TRNAU1AP: variants seen among roughly 807,000 people sequenced by gnomAD.
TRNAU1AP encodes the protein tRNA selenocysteine 1-associated protein 1.
Under a neutral mutation model 43.3 loss-of-function variants are expected in TRNAU1AP, and 33 were observed. That is an observed-to-expected ratio of 0.76 (90% CI 0.58 to 1.02). The LOEUF is 1.02. Ranked by LOEUF, TRNAU1AP falls within the 50% of genes least tolerant of loss-of-function variation. The pLI is 0.00. For missense variants in TRNAU1AP, 290 were observed against 362.7 expected, an observed-to-expected ratio of 0.80 and a Z score of 1.63; for synonymous variants, 143 against 129.1, an observed-to-expected ratio of 1.11 and a Z score of -0.73.
chr1:28,553,656 A>G lies in TRNAU1AP; in HGVS notation c.44A>G (p.Asp15Gly). ...TTTACGCAGCTGGAACCCTACATGGATGAGAACTTCATCTCCAGAGCCTTT... is the reference window on the plus strand; with the variant it reads ...TTTACGCAGCTGGAACCCTACATGGGTGAGAACTTCATCTCCAGAGCCTTT... ...LWMGDLEPYM[D>G]ENFISRAFAT... Residue 15 changes from aspartate (D) to glycine (G), a missense_variant, in exon 2 of 9, where the codon GAT (aspartate) becomes GGT (glycine). Asp to Gly is a moderately conservative substitution (Grantham distance 94, BLOSUM62 -1). Around this residue, in one of 3 missense-constraint regions of TRNAU1AP, gnomAD observed 59 missense variants for 45.5 expected, o/e 1.30. Transcript: ENST00000373830. The G allele has an allele frequency of 6.2e-7, 1 of 1,614,090 alleles. No individual in the cohort carries two copies. The highest frequency in any genetic ancestry group is 1.3e-5 in the African/African-American group (1 of 75,060).
At chr1:28,574,138 T>C (rs1665723951) in intron 8 of TRNAU1AP, among the ~76,000 whole-genome samples, 1 of 148,090 alleles carries the variant, frequency 6.8e-6, no homozygotes, top group African/African-American at 2.5e-5. Context: ...TGGAGTGCAG[T>C]GGTGCAGTCT....
chr1:28,576,149 G>T (rs1198394517), intron 8 of TRNAU1AP, among the ~76,000 whole-genome samples: 2 of 145,482 alleles, frequency 1.4e-5, no homozygotes, highest in Non-Finnish European at 3.0e-5. Flanking sequence ...ATGAGCCACA[G>T]TGCCCAGTTT....
intron 2 of TRNAU1AP, among the ~76,000 whole-genome samples, chr1:28,558,062 ATTTTTTTTTTTT>A (rs998976595): frequency 1.6e-5 from 2 of 122,114 alleles, no homozygotes; most frequent in African/African-American, 6.5e-5. Context: ...TGCCTGGCTA[ATTTTTTTTTTTT>A]TTTTTTTTTT....
rs756554853 is a variant in TRNAU1AP, at chr1:28,558,560, A to AT, written c.126-2051dup. On this transcript the variant is annotated intron_variant, in intron 2 of 8. Coordinates refer to ENST00000373830, the MANE Select transcript of TRNAU1AP (RefSeq NM_017846.5). ...AGGCACACACCACTACGCCCGACTA[A>AT]TTTTTTTTTTTTTTTTTTTTTTGAG... 2.6e-3 allele frequency among the ~76,000 whole-genome samples: 232 copies of AT among 88,332 alleles called. 1 individual carries two copies. Among genetic ancestry groups the AT allele is most frequent in the East Asian group, 3.4e-3 (13 of 3,862 alleles). The allele number at this position is 88,332 out of a possible 152,430, so 57.9% of individuals were successfully genotyped here.
chr1:28,566,458 T>C (rs1229833330), intron 5 of TRNAU1AP, among the ~76,000 whole-genome samples: 1 of 147,950 alleles, frequency 6.8e-6, no homozygotes, highest in Non-Finnish European at 1.5e-5. Context: ...GTCTCCACTT[T>C]AAAAAAAATA....
Position 28,578,335 on chromosome 1 carries a change from G to GTGTT in TRNAU1AP, c.*701_*704dup, listed in dbSNP as rs1054043568. 2.4e-4 allele frequency: 42 copies of GTGTT among 176,048 alleles called. No individual in the cohort carries two copies. Among genetic ancestry groups the GTGTT allele is most frequent in the Middle Eastern group, 2.7e-3 (1 of 368 alleles). 10.9% of individuals were successfully genotyped at this position (176,048 alleles called of 1,614,324 possible). ...TGTGAACTTTATACTGCTCACTTCC[G>GTGTT]TGTTTCCCAAGTAAATGGGGAAACT... is the stretch of plus-strand genomic sequence containing the variant. On this transcript the variant is annotated 3_prime_UTR_variant, in exon 9 of 9. Transcript: ENST00000373830.
rs749915126 is a variant in TRNAU1AP at position 28,571,312 on chromosome 1, T to C, written c.667T>C (p.Tyr223His). 3 of 1,613,840 alleles carry C rather than the reference T, an allele frequency of 1.9e-6. No individual in the cohort carries two copies. In the African/African-American group the frequency reaches 4.0e-5, roughly 22 times the overall value. ...TGSYSYSYPQ[Y>H]GYTQSTMQTY... The stretch of plus-strand genomic sequence containing the variant: ...CAGCTACAGCTACAGTTACCCCCAG[T>C]ATGGCTATACCCAGAGCACCATGCA... The change falls in exon 7 of 9, where the codon TAT (tyrosine) becomes CAT (histidine). Residue 223 changes from tyrosine (Y) to histidine (H), a missense_variant. By Grantham distance (83) the Tyr-to-His change is moderately conservative. Around this residue, in one of 3 missense-constraint regions of TRNAU1AP, gnomAD observed 174 missense variants for 262.1 expected, o/e 0.66. Transcript: ENST00000373830.
chr1:28,569,552 G>A (rs1392091874), intron 6 of TRNAU1AP, among the ~76,000 whole-genome samples: 1 of 147,372 alleles, frequency 6.8e-6, no homozygotes, highest in Non-Finnish European at 1.5e-5. Context: ...TTAGCCAGGT[G>A]TGGTGGCGGG....
rs137978808 is a variant in TRNAU1AP at position 28,567,364 on chromosome 1, G to C, written c.481G>C (p.Val161Leu). ...AGCCCTGACGGAGTGCCAGGGAGCA[G>C]TGGGACTGGGGTCTAAGCCTGTGCG... The part of the protein sequence containing the change: ...KRALTECQGA[V>L]GLGSKPVRLS... The change falls in exon 6 of 9, where the codon GTG (valine) becomes CTG (leucine). Residue 161 changes from valine (V) to leucine (L), a missense_variant. Physicochemically the swap from Val to Leu is conservative, Grantham distance 32 (BLOSUM62 1). Transcript: ENST00000373830. The C allele has an allele frequency of 2.5e-6, 4 of 1,613,912 alleles. No homozygotes were observed. In the African/African-American group the frequency reaches 5.3e-5, roughly 22 times the overall value.
chr1:28,577,534 CAAG>C lies in TRNAU1AP; in HGVS notation c.763_765del (p.Lys255del), dbSNP rs1665821246. ...CACAGCTGGATGTGACTGAGGCCAA[CAAG>C]GAGTTCATGGAACAGAGTGAGGAGC... On this transcript the variant is annotated inframe_deletion, in exon 9 of 9. Transcript: ENST00000373830. 1.9e-6 allele frequency: 3 copies of C among 1,614,064 alleles called. No individual in the cohort carries two copies. Among genetic ancestry groups the C allele is most frequent in the Admixed American group, 1.7e-5 (1 of 59,984 alleles).
At position 28,577,607 on chromosome 1, in the gene TRNAU1AP, G is replaced by A; in HGVS notation, c.835G>A (p.Val279Met). The A allele has an allele frequency of 6.2e-7, 1 of 1,614,184 alleles. No homozygotes were observed. Among genetic ancestry groups the A allele is most frequent in the Non-Finnish European group, 8.5e-7 (1 of 1,180,024 alleles). ...CTGTCACTGGCAGCCCCTGGACACAGTGTCTTCAGAGATCCCTGCCATGAT... is the reference window on the plus strand; with the variant it reads ...CTGTCACTGGCAGCCCCTGGACACAATGTCTTCAGAGATCCCTGCCATGAT... ...MDCHWQPLDTVSSEIPAMM is the reference protein window; with the variant it reads ...MDCHWQPLDTMSSEIPAMM Residue 279 changes from valine to methionine, a missense_variant, in exon 9 of 9, where the codon GTG (valine) becomes ATG (methionine). Val to Met is a conservative substitution (Grantham distance 21). Around this residue, in one of 3 missense-constraint regions of TRNAU1AP, gnomAD observed 57 missense variants for 55.1 expected, o/e 1.03. Transcript: ENST00000373830.
Position 28,553,755 on chromosome 1 carries a change from T to A in TRNAU1AP, c.125+18T>A. On this transcript the variant is annotated intron_variant, in intron 2 of 8. Coordinates refer to ENST00000373830, the MANE Select transcript of TRNAU1AP (RefSeq NM_017846.5). ...CTCACTGGGTAAGTCTCATCTCAGGTCTCTCTTAATACATCTCGTTGCAGC... is the reference window on the plus strand; with the variant it reads ...CTCACTGGGTAAGTCTCATCTCAGGACTCTCTTAATACATCTCGTTGCAGC... 1 of 1,602,076 alleles carries A rather than the reference T, an allele frequency of 6.2e-7. No individual in the cohort carries two copies. Among genetic ancestry groups the A allele is most frequent in the Non-Finnish European group, 8.6e-7 (1 of 1,169,078 alleles).
chr1:28,561,461 A>C, intron 4 of TRNAU1AP, 63 bp downstream of exon 4: 1 of 1,598,396 alleles, frequency 6.3e-7, no homozygotes, highest in Non-Finnish European at 8.6e-7. Context: ...ACTGCCATAT[A>C]GGAGGAGGGG....
intron 8 of TRNAU1AP, among the ~76,000 whole-genome samples, chr1:28,572,112 C>G (rs1384243439): frequency 7.9e-6 from 1 of 127,212 alleles, no homozygotes; most frequent in African/African-American, 2.9e-5. Flanking sequence ...CTGGGACAGG[C>G]AGCTCCAGGA....
intron 5 of TRNAU1AP, 148 bp from the exon 6 acceptor site, chr1:28,567,146 T>A: frequency 1.3e-6 from 1 of 769,154 alleles, no homozygotes; most frequent in Non-Finnish European, 2.0e-6. Flanking sequence ...CCTTTCTTCC[T>A]CTAGTTTAAT....
At chr1:28,576,522 T>C (rs1431396668) in intron 8 of TRNAU1AP, among the ~76,000 whole-genome samples, 3 of 151,752 alleles carry the variant, frequency 2.0e-5, no homozygotes, top group Non-Finnish European at 2.9e-5. Context: ...TTTCACCATG[T>C]TGGCCAGGAT....
intron 4 of TRNAU1AP, among the ~76,000 whole-genome samples, chr1:28,562,720 A>G (rs535457985): frequency 3.3e-5 from 5 of 151,382 alleles, no homozygotes; most frequent in Admixed American, 3.3e-4. Context: ...AGCTGGGACT[A>G]CAGGTGCCTG....
At chr1:28,575,465 GT>G (rs1235068576) in intron 8 of TRNAU1AP, among the ~76,000 whole-genome samples, 83 of 127,430 alleles carry the variant, frequency 6.5e-4, no homozygotes, top group East Asian at 2.6e-3. Flanking sequence ...GTTTTTTTTT[GT>G]TTTTTTTTTT....
rs1665194878 is a variant in TRNAU1AP at position 28,554,017 on chromosome 1, G to A, written c.125+280G>A. The stretch of plus-strand genomic sequence containing the variant: ...GTTTGAGACCAGCCTGGCCAACATG[G>A]TGAAACCCCGTCTCTACTAAAAATA... On this transcript the variant is annotated intron_variant, in intron 2 of 8. Coordinates refer to ENST00000373830, the MANE Select transcript of TRNAU1AP (RefSeq NM_017846.5). 3.9e-5 allele frequency: 10 copies of A among 257,294 alleles called. No homozygotes were observed. In the South Asian group the frequency reaches 5.0e-4, roughly 13 times the overall value. The allele number at this position is 257,294 out of a possible 1,614,324, so 15.9% of individuals were successfully genotyped here. A position where few individuals can be genotyped will look rare whatever the true frequency, so the allele number is the denominator to read the frequency against.
Sources: gnomAD v4.1 joint callset for allele counts (sites outside exome capture counted in the v4.1 genomes callset) on GRCh38, gnomAD v4.1.1 for gene constraint, gnomAD v4.1.1 regional missense constraint, MANE v1.5 for transcripts, NCBI Gene and HGNC (gene_info 2026-07-23, HGNC 2026-07-21) for gene names.